The following BRAF variants were observed in gnomAD, a reference collection of about 807,000 sequenced individuals.
BRAF encodes serine/threonine-protein kinase B-raf.
A neutral mutation model predicts 104.6 loss-of-function variants in BRAF; 16 were observed. The observed-to-expected ratio is 0.15, with a 90% confidence interval of 0.10 to 0.23. The LOEUF (loss-of-function observed/expected upper bound fraction) is 0.23. Among genes scored for constraint, BRAF ranks in the 10% least tolerant of loss-of-function variants. The probability of loss-of-function intolerance (pLI) is 1.00; values close to 1 mark genes in which losing one functional copy is unlikely to be tolerated. For synonymous variants in BRAF, 310 were observed against 341.6 expected (o/e 0.91, Z 1.02); for missense variants, 541 against 937.3 (o/e 0.58, Z 5.52).
intron 7 of BRAF, among the ~76,000 whole-genome samples, chr7:140,798,176 T>C (rs1316316763): frequency 6.6e-6 from 1 of 151,530 alleles, no homozygotes; most frequent in Non-Finnish European, 1.5e-5. Context: ...CTGTGAAGAG[T>C]GGGAGGAAGT....
intron 1 of BRAF, among the ~76,000 whole-genome samples, chr7:140,903,866 A>C (rs368431120): frequency 3.6e-4 from 55 of 152,370 alleles, no homozygotes; most frequent in East Asian, 1.2e-3. Flanking sequence ...GAAGCAGCAG[A>C]AGAACTACAT....
chr7:140,876,800 A>AT (rs146471383), intron 1 of BRAF, among the ~76,000 whole-genome samples: 9,742 of 152,160 alleles, frequency 0.064, 1,016 homozygotes, highest in African/African-American at 0.22. Flanking sequence ...ACCTGATCTG[A>AT]TTGATATTTA....
downstream of BRAF, among the ~76,000 whole-genome samples, chr7:140,718,501 T>C (rs1795186297): frequency 6.6e-6 from 1 of 152,050 alleles, no homozygotes; most frequent in Non-Finnish European, 1.5e-5. Flanking sequence ...CTGCCTGCCT[T>C]GGCCTCCCAA....
At chr7:140,875,267 C>CATTT (rs1352921716) in intron 1 of BRAF, among the ~76,000 whole-genome samples, 2 of 152,236 alleles carry the variant, frequency 1.3e-5, no homozygotes, top group Non-Finnish European at 2.9e-5. Flanking sequence ...CCAAATCTGA[C>CATTT]AAATGACATA....
chr7:140,793,620 C>T (rs938445187), intron 8 of BRAF, among the ~76,000 whole-genome samples: 2 of 151,956 alleles, frequency 1.3e-5, no homozygotes, highest in Non-Finnish European at 2.9e-5. Flanking sequence ...CTTATGATAG[C>T]ACAAATTGAA....
rs551377839 is a variant in BRAF, at chr7:140,855,974, C to T, written c.139-5762G>A. Among the ~76,000 whole-genome samples, 19 of 151,868 alleles carry T rather than the reference C, an allele frequency of 1.3e-4. No individual in the cohort carries two copies. The East Asian group carries it at 3.1e-3, about 25-fold the overall frequency. ...TGGAGGGTGCAGTGAGCTGAGATCACGCCACTATACTCCAGCTTGGGCAAC... is the reference window on the plus strand; with the variant it reads ...TGGAGGGTGCAGTGAGCTGAGATCATGCCACTATACTCCAGCTTGGGCAAC... On this transcript the variant is annotated intron_variant, in intron 1 of 19. Coordinates refer to ENST00000644969, the MANE Select transcript of BRAF (RefSeq NM_001374258.1).
chr7:140,799,837 T>C (rs1369207294), intron 7 of BRAF: 2 of 246,312 alleles, frequency 8.1e-6, no homozygotes, highest in Admixed American at 5.0e-5. Context: ...TCAATGCTTC[T>C]TCATAAGTGG....
At chr7:140,836,422 T>C (rs1358611484) in intron 2 of BRAF, among the ~76,000 whole-genome samples, 1 of 151,914 alleles carries the variant, frequency 6.6e-6, no homozygotes, top group Admixed American at 6.6e-5. Flanking sequence ...AAAGAGAAAT[T>C]TCATTTCAAT....
intron 14 of BRAF, among the ~76,000 whole-genome samples, chr7:140,759,896 T>C (rs73489574): frequency 5.6e-4 from 85 of 152,242 alleles, no homozygotes; most frequent in African/African-American, 1.7e-3. Flanking sequence ...ATCTAAAACT[T>C]AGCATTTCTA....
At chr7:140,915,651 G>C (rs918206888) in intron 1 of BRAF, among the ~76,000 whole-genome samples, 4 of 151,922 alleles carry the variant, frequency 2.6e-5, no homozygotes, top group Admixed American at 2.6e-4. Flanking sequence ...GGTCAGGTTG[G>C]TCTCGAACTC....
At position 140,898,192 on chromosome 7, in the gene BRAF, C is replaced by T. The variant is rs1014051456; in HGVS notation, c.138+26374G>A. On this transcript the variant is annotated intron_variant, in intron 1 of 19. Coordinates refer to ENST00000644969, the MANE Select transcript of BRAF (RefSeq NM_001374258.1). ...GGGTCTCAAAAGAGTGGGAGGCTTG[C>T]CTCTTAAAAAAATAAATAAATAAAA... Among the ~76,000 whole-genome samples the T allele has an allele frequency of 4.0e-4, 61 of 151,682 alleles. 1 individual carries two copies. The highest frequency in any genetic ancestry group is 8.3e-4 in the South Asian group (4 of 4,812).
intron 14 of BRAF, among the ~76,000 whole-genome samples, chr7:140,756,442 A>C (rs963679849): frequency 2.0e-5 from 3 of 152,152 alleles, no homozygotes; most frequent in Non-Finnish European, 4.4e-5. Context: ...ATCCCTACAT[A>C]AGATAATGTT....
intron 2 of BRAF, among the ~76,000 whole-genome samples, chr7:140,840,964 C>T (rs1807898849): frequency 1.3e-5 from 2 of 151,978 alleles, no homozygotes; most frequent in African/African-American, 4.8e-5. Flanking sequence ...ATCCATCCAC[C>T]TCAGCCTCCC....
chr7:140,817,144 A>G (rs1804969489), intron 3 of BRAF, among the ~76,000 whole-genome samples: 1 of 152,230 alleles, frequency 6.6e-6, no homozygotes, highest in African/African-American at 2.4e-5. Context: ...AGTCAGCAGC[A>G]TTTCTACATG....
chr7:140,720,419 A>C lies in BRAF; in HGVS notation c.*6075T>G. Reference sequence around the variant, plus strand: ...AAACTAACATAACATGAAGATAAATAAGACATAAAGGCTAGCCACTTACGT... The same window carrying C: ...AAACTAACATAACATGAAGATAAATCAGACATAAAGGCTAGCCACTTACGT... On this transcript the variant is annotated 3_prime_UTR_variant, in exon 20 of 20. Coordinates refer to ENST00000644969, the MANE Select transcript of BRAF (RefSeq NM_001374258.1). The C allele has an allele frequency of 9.4e-7, 1 of 1,062,452 alleles. No individual in the cohort carries two copies. The highest frequency in any genetic ancestry group is 1.1e-6 in the Non-Finnish European group (1 of 877,542). 65.8% of individuals were successfully genotyped at this position (1,062,452 alleles called of 1,614,324 possible).
At chr7:140,890,064 C>A (rs1360254399) in intron 1 of BRAF, among the ~76,000 whole-genome samples, 1 of 152,182 alleles carries the variant, frequency 6.6e-6, no homozygotes, top group African/African-American at 2.4e-5. Flanking sequence ...AGAATTCCAG[C>A]TCTTGTCACT....
intron 2 of BRAF, among the ~76,000 whole-genome samples, chr7:140,846,497 T>C (rs1480662564): frequency 6.6e-6 from 1 of 152,096 alleles, no homozygotes; most frequent in Non-Finnish European, 1.5e-5. Context: ...GAAAGTAGAA[T>C]GGTGGTTGCT....
chr7:140,788,668 A>C (rs952957184), intron 8 of BRAF, among the ~76,000 whole-genome samples: 2 of 152,016 alleles, frequency 1.3e-5, no homozygotes, highest in Admixed American at 1.3e-4. Context: ...GGCTTATTGC[A>C]ACCTCTGCCT....
intron 3 of BRAF, 108 bp downstream of exon 3, chr7:140,834,501 T>C: frequency 2.1e-6 from 3 of 1,456,788 alleles, no homozygotes; most frequent in Non-Finnish European, 2.9e-6. Flanking sequence ...TGGATGCCTC[T>C]ATTTGCATGA....
Sources: gnomAD v4.1 joint callset for allele counts (sites outside exome capture counted in the v4.1 genomes callset) on GRCh38, gnomAD v4.1.1 for gene constraint, MANE v1.5 for transcripts, NCBI Gene and HGNC (gene_info 2026-07-23, HGNC 2026-07-21) for gene names.